OSBPL9: variants seen among roughly 807,000 people sequenced by gnomAD.
OSBPL9 encodes oxysterol binding protein like 9.
In OSBPL9, 40 loss-of-function variants were observed where a neutral mutation model predicts 106.6. The ratio of observed to expected loss-of-function variants is 0.38; its 90% CI spans 0.29 to 0.49. The LOEUF is 0.49. Among genes scored for constraint, OSBPL9 ranks in the 20% least tolerant of loss-of-function variants. The pLI, the probability that OSBPL9 is intolerant of heterozygous loss-of-function variation, is 0.97. For synonymous variants in OSBPL9, 269 were observed against 295.4 expected (o/e 0.91, Z 0.92); for missense variants, 609 against 887.2 (o/e 0.69, Z 3.98).
the OSBPL9 span, among the ~76,000 whole-genome samples, chr1:51,540,813 G>A: frequency 6.6e-6 from 1 of 151,564 alleles, no homozygotes; most frequent in South Asian, 2.1e-4. Flanking sequence ...ACAAAAATTA[G>A]CCAGGTGGGG....
At chr1:51,600,341 T>TA (rs1256650122) in intron 2 of OSBPL9, among the ~76,000 whole-genome samples, 1 of 152,178 alleles carries the variant, frequency 6.6e-6, no homozygotes, top group Non-Finnish European at 1.5e-5. Context: ...TTCTGTCTCT[T>TA]ACCAACTGCG....
At chr1:51,611,429 C>A (rs1010751492) in intron 2 of OSBPL9, among the ~76,000 whole-genome samples, 1 of 152,040 alleles carries the variant, frequency 6.6e-6, no homozygotes, top group African/African-American at 2.4e-5. Context: ...TCGACAAATA[C>A]CAATTAAGAA....
intron 1 of OSBPL9, among the ~76,000 whole-genome samples, chr1:51,631,690 C>T (rs538524504): frequency 4.9e-4 from 75 of 152,286 alleles, no homozygotes; most frequent in Non-Finnish European, 1.0e-3. Flanking sequence ...CTGGTGGTCT[C>T]TCTCATTAGA....
rs574640075 is a variant in OSBPL9 at position 51,633,900 on chromosome 1, C to T, written c.111+16679C>T. Reference sequence around the variant, plus strand: ...TCAGCCTCCCAAAGTGCTGGGATTACAGGTGTAAGCCGCCTTACCTGGCTT... The same window carrying T: ...TCAGCCTCCCAAAGTGCTGGGATTATAGGTGTAAGCCGCCTTACCTGGCTT... On this transcript the variant is annotated intron_variant, in intron 1 of 23. Transcript: ENST00000428468. Among the ~76,000 whole-genome samples, 71 of 152,328 alleles carry T rather than the reference C, an allele frequency of 4.7e-4. 1 individual carries two copies. The highest frequency in any genetic ancestry group is 1.7e-3 in the African/African-American group (69 of 41,574).
intron 4 of OSBPL9, among the ~76,000 whole-genome samples, chr1:51,740,428 G>A (rs1666653159): frequency 6.6e-6 from 1 of 151,690 alleles, no homozygotes; most frequent in Non-Finnish European, 1.5e-5. Context: ...CCAGATTCAT[G>A]CCATTTATTT....
intron 1 of OSBPL9, among the ~76,000 whole-genome samples, chr1:51,626,625 C>A (rs1394206787): frequency 6.6e-6 from 1 of 152,076 alleles, no homozygotes; most frequent in Admixed American, 6.6e-5. Flanking sequence ...ATCCTCCTGC[C>A]TCAGTCTTCT....
intron 4 of OSBPL9, among the ~76,000 whole-genome samples, chr1:51,717,240 T>G (rs866728649): frequency 4.6e-5 from 7 of 152,182 alleles, no homozygotes; most frequent in African/African-American, 1.7e-4. Flanking sequence ...GTGCTGAGAT[T>G]ATAGGCATGA....
At chr1:51,572,179 G>C (rs1645154725), upstream of OSBPL9, among the ~76,000 whole-genome samples, 1 of 152,106 alleles carries the variant, frequency 6.6e-6, no homozygotes, top group South Asian at 2.1e-4. Context: ...ATGAAAATGA[G>C]ATTCATAACA....
intron 12 of OSBPL9, among the ~76,000 whole-genome samples, chr1:51,766,248 A>C (rs1399360397): frequency 1.3e-5 from 2 of 152,218 alleles, no homozygotes; most frequent in Non-Finnish European, 2.9e-5. Flanking sequence ...AAATAGCATC[A>C]CCTATAGTAA....
rs1266908559 is a variant in OSBPL9 at position 51,784,844 on chromosome 1, G to C, written c.1829+262G>C. ...TGTTGAACTAAAAGAGGCCTTCCTA[G>C]GTTGCCTAGCTAAACCAGATTATGG... On this transcript the variant is annotated intron_variant, in intron 20 of 23. Coordinates refer to ENST00000428468, the MANE Select transcript of OSBPL9 (RefSeq NM_024586.6). The C allele has an allele frequency of 6.5e-6, 3 of 461,574 alleles. No individual in the cohort carries two copies. The Admixed American group carries it at 1.2e-4, about 18-fold the overall frequency. The allele number at this position is 461,574 out of a possible 1,614,324, so 28.6% of individuals were successfully genotyped here. A position where few individuals can be genotyped will look rare whatever the true frequency, so the allele number is the denominator to read the frequency against.
intron 12 of OSBPL9, among the ~76,000 whole-genome samples, chr1:51,768,667 ACT>A (rs1673164321): frequency 6.6e-6 from 1 of 152,018 alleles, no homozygotes; most frequent in Non-Finnish European, 1.5e-5. Flanking sequence ...ACTGATAGAC[ACT>A]CTCTGGCTCC....
At chr1:51,615,682 C>T (rs1422927258), upstream of OSBPL9, among the ~76,000 whole-genome samples, 3 of 152,264 alleles carry the variant, frequency 2.0e-5, no homozygotes, top group South Asian at 4.1e-4. Flanking sequence ...GCTAGTGCCT[C>T]ATCTTTTAGT....
chr1:51,661,155 A>G (rs1475482616), intron 2 of OSBPL9, among the ~76,000 whole-genome samples: 2 of 152,170 alleles, frequency 1.3e-5, no homozygotes, highest in Admixed American at 6.5e-5. Context: ...TAGAGTTATA[A>G]TGGGAGTAGC....
At position 51,788,164 on chromosome 1, in the gene OSBPL9, A is replaced by G. The variant is rs1403670036; in HGVS notation, c.*375A>G. 1 of 233,620 alleles carries G rather than the reference A, an allele frequency of 4.3e-6. No individual in the cohort carries two copies. 14.5% of individuals were successfully genotyped at this position (233,620 alleles called of 1,614,324 possible). ...TCATATAATCTCGGGATACACACAC[A>G]CACACACATATATATACACACACAT... is the stretch of plus-strand genomic sequence containing the variant. On this transcript the variant is annotated 3_prime_UTR_variant, in exon 24 of 24. Transcript: ENST00000428468.
chr1:51,768,202 A>C (rs1305835713), intron 12 of OSBPL9, among the ~76,000 whole-genome samples: 3 of 151,450 alleles, frequency 2.0e-5, no homozygotes, highest in Admixed American at 2.0e-4. Flanking sequence ...CGGCCTCCCA[A>C]AGTGCTGGGA....
intron 3 of OSBPL9, among the ~76,000 whole-genome samples, chr1:51,711,862 G>A (rs1300450594): frequency 2.0e-5 from 3 of 151,726 alleles, no homozygotes; most frequent in Non-Finnish European, 2.9e-5. Flanking sequence ...GATGGTGGCC[G>A]GGAAGAGGCG....
At chr1:51,781,960 T>G (rs1024308565) in intron 16 of OSBPL9, among the ~76,000 whole-genome samples, 9 of 152,010 alleles carry the variant, frequency 5.9e-5, no homozygotes, top group Non-Finnish European at 8.8e-5. Context: ...AGGTCTGAGA[T>G]GGGGATGGGG....
At chr1:51,739,419 C>T (rs1004682958) in intron 4 of OSBPL9, among the ~76,000 whole-genome samples, 2 of 151,954 alleles carry the variant, frequency 1.3e-5, no homozygotes, top group African/African-American at 4.8e-5. Flanking sequence ...GATGTTAGAG[C>T]TGCTTACTTA....
chr1:51,717,929 A>C (rs974024804), intron 4 of OSBPL9, among the ~76,000 whole-genome samples: 1 of 152,232 alleles, frequency 6.6e-6, no homozygotes, highest in Non-Finnish European at 1.5e-5. Flanking sequence ...TTGCAGCACT[A>C]TTCACAATAG....
Sources: gnomAD v4.1 joint callset for allele counts (sites outside exome capture counted in the v4.1 genomes callset) on GRCh38, gnomAD v4.1.1 for gene constraint, MANE v1.5 for transcripts, NCBI Gene and HGNC (gene_info 2026-07-23, HGNC 2026-07-21) for gene names.